The following FRMPD4 variants were observed in gnomAD, a reference collection of about 807,000 sequenced individuals.
FRMPD4 encodes the protein FERM and PDZ domain-containing protein 4.
In FRMPD4, 22 loss-of-function variants were observed where a neutral mutation model predicts 94.1. The observed-to-expected ratio is 0.23, with a 90% CI of 0.17 to 0.33. The LOEUF is 0.33. Among genes scored for constraint, FRMPD4 ranks in the 10% least tolerant of loss-of-function variants. FRMPD4 has a pLI of 1.00. For missense variants in FRMPD4, 1,111 were observed against 1,339.9 expected (o/e 0.83, Z 2.67); for synonymous variants, 631 against 548.6 (o/e 1.15, Z -2.10).
intron 3 of FRMPD4, among the ~76,000 whole-genome samples, chrX:11,915,056 T>C (rs949172971): frequency 4.4e-5 from 5 of 112,419 alleles, no homozygotes; most frequent in African/African-American, 9.7e-5. Flanking sequence ...AAAAAAGAGC[T>C]TTCAGGGTGT....
chrX:11,975,741 C>A (rs1351621763), intron 3 of FRMPD4, among the ~76,000 whole-genome samples: 1 of 111,369 alleles, frequency 9.0e-6, no homozygotes, highest in Non-Finnish European at 1.9e-5. Flanking sequence ...CACAGCACAG[C>A]CCCAGGAACA....
chrX:11,854,072 A>G (rs1026776928), intron 1 of FRMPD4, among the ~76,000 whole-genome samples: 2 of 112,171 alleles, frequency 1.8e-5, no homozygotes, highest in Non-Finnish European at 3.8e-5. Flanking sequence ...AGGAGGCCTC[A>G]GGAAACTTAC....
upstream of FRMPD4, among the ~76,000 whole-genome samples, chrX:12,138,124 G>A (rs2055627234): frequency 8.9e-6 from 1 of 112,475 alleles, no homozygotes; most frequent in African/African-American, 3.2e-5. Flanking sequence ...CGATTCGGGA[G>A]AAGCAGTGGG....
In FRMPD4 at chrX:12,553,434, C is replaced by CTATATATATATATATATATATATATATA. The variant is rs3066486; in HGVS notation, c.158+54644_158+54671dup. ...AGTTTTGTGAGATCTATCCATATGC[C>CTATATATATATATATATATATATATATA]TATATATATATATATATATATATAT... On this transcript the variant is annotated intron_variant, in intron 2 of 16. Coordinates refer to ENST00000675598, the MANE Select transcript of FRMPD4 (RefSeq NM_001368397.1). Among the ~76,000 whole-genome samples the CTATATATATATATATATATATATATATA allele has an allele frequency of 1.5e-4, 6 of 39,659 alleles. 1 individual carries two copies. Among genetic ancestry groups the CTATATATATATATATATATATATATATA allele is most frequent in the African/African-American group, 4.2e-4 (4 of 9,627 alleles). The allele number at this position is 39,659 out of a possible 115,157, so 34.4% of individuals were successfully genotyped here. A position where few individuals can be genotyped will look rare whatever the true frequency, so the allele number is the denominator to read the frequency against.
At chrX:12,320,521 G>A (rs1240678406) in intron 1 of FRMPD4, among the ~76,000 whole-genome samples, 2 of 111,653 alleles carry the variant, frequency 1.8e-5, no homozygotes, top group Non-Finnish European at 3.8e-5. Flanking sequence ...GAAAACTTCT[G>A]CAAACTTTAT....
intron 1 of FRMPD4, among the ~76,000 whole-genome samples, chrX:12,343,583 C>T (rs1012579984): frequency 1.8e-5 from 2 of 112,029 alleles, no homozygotes; most frequent in African/African-American, 6.5e-5. Context: ...TTCCTGAGAA[C>T]AGGTCAGGAT....
chrX:11,883,118 A>C (rs1332994911), intron 3 of FRMPD4, among the ~76,000 whole-genome samples: 1 of 112,148 alleles, frequency 8.9e-6, no homozygotes, highest in Non-Finnish European at 1.9e-5. Context: ...CTGATATTTT[A>C]GGGGCCAAAT....
At chrX:12,579,170 G>T (rs1291318396) in intron 2 of FRMPD4, among the ~76,000 whole-genome samples, 4 of 112,229 alleles carry the variant, frequency 3.6e-5, no homozygotes, top group Non-Finnish European at 7.5e-5. Flanking sequence ...ATGTAGCTCT[G>T]TAATATATAA....
chrX:12,658,509 C>T (rs777977761), intron 4 of FRMPD4, among the ~76,000 whole-genome samples: 1 of 111,905 alleles, frequency 8.9e-6, no homozygotes, highest in South Asian at 3.8e-4. Flanking sequence ...TGTTATTTCT[C>T]ACTATAAAAG....
rs199569627 is a variant in FRMPD4 at position 12,201,970 on chromosome X, T to G, written c.41+62958T>G. Among the ~76,000 whole-genome samples the G allele has an allele frequency of 2.8e-5, 3 of 108,103 alleles. No individual in the cohort carries two copies. The East Asian group carries it at 8.7e-4, about 31-fold the overall frequency. The allele number at this position is 108,103 out of a possible 115,157, so 93.9% of individuals were successfully genotyped here. A position where few individuals can be genotyped will look rare whatever the true frequency, so the allele number is the denominator to read the frequency against. ...TTATTGCCTAGAGATTTGTTGTCTT[T>G]CTGTCCTCTGGGTGCTTTTTCTTCT... is the stretch of plus-strand genomic sequence containing the variant. On this transcript the variant is annotated intron_variant, in intron 1 of 16. Transcript: ENST00000675598.
At chrX:11,917,093 A>G (rs1464128740) in intron 3 of FRMPD4, among the ~76,000 whole-genome samples, 1 of 112,454 alleles carries the variant, frequency 8.9e-6, no homozygotes, top group Non-Finnish European at 1.9e-5. Flanking sequence ...ATGAACAGAC[A>G]CTTTTCAAAA....
At chrX:11,853,156 T>C (rs1234681278) in intron 1 of FRMPD4, among the ~76,000 whole-genome samples, 2 of 111,844 alleles carry the variant, frequency 1.8e-5, no homozygotes, top group Non-Finnish European at 3.8e-5. Flanking sequence ...TTGGGGTAAA[T>C]AATGAAATTA....
intron 3 of FRMPD4, among the ~76,000 whole-genome samples, chrX:11,901,221 ATATGTAG>A (rs1286007128): frequency 9.0e-6 from 1 of 111,271 alleles, no homozygotes; most frequent in Non-Finnish European, 1.9e-5. Flanking sequence ...ACTGTACCCA[ATATGTAG>A]TATTTTATCC....
intron 2 of FRMPD4, among the ~76,000 whole-genome samples, chrX:12,560,970 C>T (rs1450774603): frequency 1.0e-5 from 1 of 99,053 alleles, no homozygotes; most frequent in African/African-American, 3.7e-5. Flanking sequence ...GGGTTTTCAC[C>T]GTTTTAGCCG....
intron 1 of FRMPD4, among the ~76,000 whole-genome samples, chrX:11,835,724 C>A (rs1176122536): frequency 8.9e-6 from 1 of 112,023 alleles, no homozygotes; most frequent in East Asian, 2.8e-4. Flanking sequence ...TGGCTGTTTT[C>A]CCCAGTTTTT....
At chrX:12,520,521 A>T in intron 2 of FRMPD4, among the ~76,000 whole-genome samples, 1 of 105,613 alleles carries the variant, frequency 9.5e-6, no homozygotes, top group East Asian at 2.9e-4. Context: ...CCCCACAGTT[A>T]AAAAAAAAAA....
chrX:12,111,822 A>G (rs1284773514), intron 3 of FRMPD4, among the ~76,000 whole-genome samples: 2 of 112,300 alleles, frequency 1.8e-5, no homozygotes, highest in African/African-American at 6.5e-5. Flanking sequence ...AAAAATGCTC[A>G]TCATCACTGG....
chrX:12,285,462 G>A (rs1272203238), intron 1 of FRMPD4, among the ~76,000 whole-genome samples: 1 of 111,127 alleles, frequency 9.0e-6, no homozygotes, highest in East Asian at 2.8e-4. Flanking sequence ...GAGATGTTGT[G>A]GAAGTGACTA....
At chrX:12,174,164 T>C (rs899257867) in intron 1 of FRMPD4, among the ~76,000 whole-genome samples, 26 of 112,471 alleles carry the variant, frequency 2.3e-4, no homozygotes, top group Admixed American at 1.7e-3. Flanking sequence ...TATTCAACTC[T>C]GCCCATGTAG....
Sources: gnomAD v4.1 joint callset for allele counts (sites outside exome capture counted in the v4.1 genomes callset) on GRCh38, gnomAD v4.1.1 for gene constraint, MANE v1.5 for transcripts, NCBI Gene and HGNC (gene_info 2026-07-23, HGNC 2026-07-21) for gene names.